Variants in MFF observed in about 807,000 individuals in gnomAD.
MFF encodes the protein mitochondrial fission factor, also known as chromosome 2 open reading frame 33.
A neutral mutation model predicts 36.9 loss-of-function variants in MFF; 12 were observed. The observed-to-expected ratio is 0.33, with a 90% CI of 0.21 to 0.53. The LOEUF (loss-of-function observed/expected upper bound fraction) is 0.53. MFF is among the 20% of genes least tolerant of loss of function. The pLI is 0.95. For synonymous variants in MFF, 99 were observed against 126.2 expected (o/e 0.78, Z 1.44); for missense variants, 348 against 366.6 (o/e 0.95, Z 0.42).
Position 227,351,081 on chromosome 2 carries a change from G to GAAGC in MFF, c.600-1431_600-1428dup, listed in dbSNP as rs776791030. Among the ~76,000 whole-genome samples, 5 of 152,234 alleles carry GAAGC rather than the reference G, an allele frequency of 3.3e-5. No homozygotes were observed. The East Asian group carries it at 9.6e-4, about 29-fold the overall frequency. The stretch of plus-strand genomic sequence containing the variant: ...CTGTGTGCATTTTAAAAAGCTTTAG[G>GAAGC]AAGCACACAGTGATGGCTTCATCTA... On this transcript the variant is annotated intron_variant, in intron 6 of 8. Coordinates refer to ENST00000304593, the MANE Select transcript of MFF (RefSeq NM_001277062.2).
chr2:227,342,846 A>G, intron 5 of MFF: 1 of 1,588,376 alleles, frequency 6.3e-7, no homozygotes, highest in Non-Finnish European at 8.6e-7. Flanking sequence ...TCTGCTTTTG[A>G]CAAGTAGTTG....
At chr2:227,335,259 C>T (rs2074909552) in intron 4 of MFF, among the ~76,000 whole-genome samples, 1 of 151,414 alleles carries the variant, frequency 6.6e-6, no homozygotes, top group African/African-American at 2.4e-5. Flanking sequence ...ACAACAAAGG[C>T]CATATATTGC....
In MFF at chr2:227,347,297, C is replaced by A. The variant is rs774390039; in HGVS notation, c.512C>A (p.Ser171Tyr). 1.2e-6 allele frequency: 2 copies of A among 1,613,736 alleles called. No homozygotes were observed. Among genetic ancestry groups the A allele is most frequent in the East Asian group, 2.2e-5 (1 of 44,876 alleles). ...HMLPEDGANL[S>Y]SARGILSLIQ... ...TTACCTGAAGATGGAGCTAATCTTT[C>A]CTCTGCTCGTGGCATTTTGTCGCTT... Residue 171 changes from serine (S) to tyrosine (Y), a missense_variant, in exon 6 of 9, where the codon TCC (serine) becomes TAC (tyrosine). Ser to Tyr is a moderately radical substitution (Grantham distance 144). Coordinates refer to ENST00000304593, the MANE Select transcript of MFF (RefSeq NM_001277062.2).
At chr2:227,329,514 A>G in intron 2 of MFF, 1 of 389,510 alleles carries the variant, frequency 2.6e-6, no homozygotes, top group Non-Finnish European at 4.6e-6. Context: ...TTCAAATCCA[A>G]AAGTCATTTT....
intron 7 of MFF, among the ~76,000 whole-genome samples, chr2:227,353,235 G>T (rs972690737): frequency 2.6e-5 from 4 of 152,142 alleles, no homozygotes; most frequent in African/African-American, 9.7e-5. Flanking sequence ...GTTCTTAAGT[G>T]CCAAAATCCC....
At chr2:227,343,013 C>G (rs1290533054) in intron 5 of MFF, among the ~76,000 whole-genome samples, 2 of 151,754 alleles carry the variant, frequency 1.3e-5, no homozygotes, top group African/African-American at 2.4e-5. Context: ...AAAACTAGAC[C>G]ATCTAAGGAA....
At chr2:227,350,601 T>A (rs1193283538) in intron 6 of MFF, among the ~76,000 whole-genome samples, 3 of 152,120 alleles carry the variant, frequency 2.0e-5, no homozygotes, top group Non-Finnish European at 4.4e-5. Flanking sequence ...GGATACAGCG[T>A]TTGTTATTTA....
rs756803135 is a variant in MFF at position 227,340,296 on chromosome 2, G to A, written c.356G>A (p.Arg119Gln). ...PPTTPQNEEI[R>Q]AVGRLKRERS... ...CCTCTCTTTGTGCCTTAACAGATCC[G>A]AGCAGTTGGCAGACTAAAAAGAGAG... is the stretch of plus-strand genomic sequence containing the variant. The change falls in exon 5 of 9, where the codon CGA becomes CAA. Residue 119 changes from arginine (R) to glutamine (Q), a missense_variant. Arg to Gln is a conservative substitution (Grantham distance 43, BLOSUM62 1). Transcript: ENST00000304593. 5.6e-5 allele frequency: 90 copies of A among 1,613,280 alleles called. No individual in the cohort carries two copies. Among genetic ancestry groups the A allele is most frequent in the Non-Finnish European group, 7.0e-5 (83 of 1,179,546 alleles).
At chr2:227,330,477 A>T in intron 2 of MFF, 149 bp from the exon 3 acceptor site, 1 of 596,788 alleles carries the variant, frequency 1.7e-6, no homozygotes. Context: ...ATTTTCTTTC[A>T]TCTTTTATTT....
chr2:227,347,499 C>G (rs546105064), intron 6 of MFF, 115 bp downstream of exon 6: 1 of 804,542 alleles, frequency 1.2e-6, no homozygotes, highest in Non-Finnish European at 2.0e-6. Flanking sequence ...TTCTAAGATG[C>G]AATGATTTGA....
chr2:227,352,788 G>A (rs1453400318), intron 7 of MFF, among the ~76,000 whole-genome samples: 1 of 152,128 alleles, frequency 6.6e-6, no homozygotes, highest in Non-Finnish European at 1.5e-5. Flanking sequence ...AATAATTATG[G>A]TATGATGTGA....
intron 2 of MFF, chr2:227,329,923 T>TAAA (rs11384091): frequency 0.02 from 7,964 of 406,360 alleles, 1 homozygote; most frequent in South Asian, 0.033. Context: ...TCTACTGCAT[T>TAAA]AAAAAAAAAA....
intron 3 of MFF, 109 bp from the exon 4 acceptor site, chr2:227,332,310 G>A: frequency 3.5e-6 from 3 of 851,160 alleles, no homozygotes; most frequent in Non-Finnish European, 3.7e-6. Flanking sequence ...CTTATTGGGT[G>A]GTATAATTCA....
Position 227,329,559 on chromosome 2 carries a change from T to A in MFF, c.-41+770T>A, listed in dbSNP as rs1049441224. 1 of 464,262 alleles carries A rather than the reference T, an allele frequency of 2.2e-6. No homozygotes were observed. Among genetic ancestry groups the A allele is most frequent in the African/African-American group, 3.3e-5 (1 of 30,468 alleles). The allele number at this position is 464,262 out of a possible 1,614,324, so 28.8% of individuals were successfully genotyped here. A position where few individuals can be genotyped will look rare whatever the true frequency, so the allele number is the denominator to read the frequency against. On this transcript the variant is annotated intron_variant, in intron 2 of 8. Coordinates refer to ENST00000304593, the MANE Select transcript of MFF (RefSeq NM_001277062.2). ...TTTACTTTTATTCATAGTTTTCTTA[T>A]GAAATGAATTGTTGAAATACTGATT...
At chr2:227,342,834 G>T (rs748908577) in intron 5 of MFF, 2 of 1,607,528 alleles carry the variant, frequency 1.2e-6, no homozygotes, top group African/African-American at 2.7e-5. Context: ...GATTTTATCT[G>T]CTCTGCTTTT....
At chr2:227,344,750 C>T (rs536455587) in intron 5 of MFF, among the ~76,000 whole-genome samples, 29 of 224 alleles carry the variant, frequency 0.13, no homozygotes, top group Admixed American at 0.43. Flanking sequence ...CTCCCGATTT[C>T]GTTTTTTGTT....
intron 5 of MFF, among the ~76,000 whole-genome samples, chr2:227,344,161 A>G (rs1195137312): frequency 6.6e-6 from 1 of 152,238 alleles, no homozygotes; most frequent in Non-Finnish European, 1.5e-5. Context: ...CTAATGAAGC[A>G]TGGTAAACAT....
intron 3 of MFF, among the ~76,000 whole-genome samples, chr2:227,331,947 T>C (rs1346282977): frequency 6.7e-6 from 1 of 148,334 alleles, no homozygotes; most frequent in Non-Finnish European, 1.5e-5. Context: ...GAAATGTCAA[T>C]ACGCTGGAAG....
At chr2:227,345,143 C>G (rs1019948793) in intron 5 of MFF, among the ~76,000 whole-genome samples, 1 of 152,172 alleles carries the variant, frequency 6.6e-6, no homozygotes, top group Non-Finnish European at 1.5e-5. Context: ...AGATGACCTC[C>G]TCATTTCCTA....
Sources: allele counts gnomAD v4.1 joint callset (sites outside exome capture counted in the v4.1 genomes callset), GRCh38; gene constraint gnomAD v4.1.1; transcripts MANE v1.5; gene names NCBI Gene and HGNC (gene_info 2026-07-23, HGNC 2026-07-21).